SLC66A1: variants seen among roughly 807,000 people sequenced by gnomAD.
SLC66A1 encodes lysosomal amino acid transporter 1 homolog.
SLC66A1 carries 23 observed loss-of-function variants against 33.0 expected under a neutral mutation model. The observed-to-expected ratio is 0.70, with a 90% CI of 0.50 to 0.99. The LOEUF (loss-of-function observed/expected upper bound fraction) is 0.99, where lower values mean the gene tolerates loss of function less well. Among genes scored for constraint, SLC66A1 ranks in the 50% least tolerant of loss-of-function variants. The pLI is 0.00. For synonymous variants in SLC66A1, 164 were observed against 175.5 expected (o/e 0.93, Z 0.52); for missense variants, 335 against 383.6 (o/e 0.87, Z 1.06).
At position 19,326,551 on chromosome 1, in the gene SLC66A1, C is replaced by T; in HGVS notation, c.546C>T (p.Val182=). The T allele has an allele frequency of 6.2e-7, 1 of 1,614,234 alleles. No homozygotes were observed. Among genetic ancestry groups the T allele is most frequent in the Non-Finnish European group, 8.5e-7 (1 of 1,180,042 alleles). Residue 182 remains valine (V), a synonymous_variant, in exon 6 of 8, where the codon GTC becomes GTT. Coordinates refer to ENST00000375153, the MANE Select transcript of SLC66A1 (RefSeq NM_001040125.2). ...CACAGCCCTTCACCCGGCAGGAAGT[C>T]ATTGGCTTCGTCATCGGCTCCATCT... ...SGSKPFTRQE[V]IGFVIGSISS...
At chr1:19,329,924 G>C (rs1381777640), downstream of SLC66A1, among the ~76,000 whole-genome samples, 1 of 152,076 alleles carries the variant, frequency 6.6e-6, no homozygotes, top group Admixed American at 6.5e-5. Context: ...GAGTGGAGAG[G>C]AGGGCAGAGC....
At position 19,326,401 on chromosome 1, in the gene SLC66A1, G is replaced by T; in HGVS notation, c.525+14G>T. 1 of 1,605,780 alleles carries T rather than the reference G, an allele frequency of 6.2e-7. No individual in the cohort carries two copies. On this transcript the variant is annotated intron_variant, in intron 5 of 7. Transcript: ENST00000375153. ...TCGGGCAGCAAGGTGAGGCGTGGGC[G>T]TGGCGGTCGAAGGGATGGAGGCTGG...
At chr1:19,318,275 C>T (rs2093816189) in intron 2 of SLC66A1, among the ~76,000 whole-genome samples, 1 of 152,146 alleles carries the variant, frequency 6.6e-6, no homozygotes, top group African/African-American at 2.4e-5. Flanking sequence ...ATGCGTCAAA[C>T]ACAACCTCTG....
chr1:19,324,867 C>A, intron 3 of SLC66A1, 105 bp downstream of exon 3: 1 of 1,424,010 alleles, frequency 7.0e-7, no homozygotes, highest in Admixed American at 2.1e-5. Flanking sequence ...TCTCCAGAAC[C>A]CTGACCCGTC....
At chr1:19,333,196 A>C (rs1251542660), downstream of SLC66A1, among the ~76,000 whole-genome samples, 1 of 152,080 alleles carries the variant, frequency 6.6e-6, no homozygotes, top group Admixed American at 6.6e-5. This position sits in a 1 kb window ranked among gnomAD's most constrained non-coding sequence, Gnocchi z 4.2. Flanking sequence ...AGGTCCCATT[A>C]GTTATCAAAC....
In SLC66A1 at chr1:19,328,484, A is replaced by T; in HGVS notation, c.805-88A>T. 1 of 1,227,118 alleles carries T rather than the reference A, an allele frequency of 8.1e-7. No individual in the cohort carries two copies. The allele number at this position is 1,227,118 out of a possible 1,614,324, so 76.0% of individuals were successfully genotyped here. On this transcript the variant is annotated intron_variant, in intron 7 of 7. Transcript: ENST00000375153. This position sits in a 1 kb window ranked among gnomAD's most constrained non-coding sequence, Gnocchi z 4.7. ...AGCGTGGGGGTGGGAGGGAGGGGAG[A>T]GGGAGGCAGCTCCCAGGAGTCGAAG... is the stretch of plus-strand genomic sequence containing the variant.
chr1:19,317,626 C>A lies in SLC66A1; in HGVS notation c.-52C>A. 1 of 1,596,474 alleles carries A rather than the reference C, an allele frequency of 6.3e-7. No individual in the cohort carries two copies. The highest frequency in any genetic ancestry group is 8.5e-7 in the Non-Finnish European group (1 of 1,171,242). The stretch of plus-strand genomic sequence containing the variant: ...ACCCTTGCTGGCCTCAGAACACCAG[C>A]GCCCTCCCTCCGGTGCAGCCCTGCC... On this transcript the variant is annotated 5_prime_UTR_variant, in exon 2 of 8. Transcript: ENST00000375153.
intron 2 of SLC66A1, 93 bp downstream of exon 2, chr1:19,317,934 CA>C: frequency 6.6e-7 from 1 of 1,523,392 alleles, no homozygotes; most frequent in Non-Finnish European, 8.9e-7. Flanking sequence ...TCTGGTGGGC[CA>C]CGGGCCTCTC....
rs1236152393 is a variant in SLC66A1 at position 19,328,599 on chromosome 1, C to T, written c.832C>T (p.Arg278Cys). Residue 278 changes from arginine (R) to cysteine (C), a missense_variant, in exon 8 of 8, where the codon CGC (arginine) becomes TGC (cysteine). Coordinates refer to ENST00000375153, the MANE Select transcript of SLC66A1 (RefSeq NM_001040125.2). The surrounding 1 kb of genome is among the most constrained non-coding windows in gnomAD (Gnocchi z 4.7). ...CTCCATCCAGTTCCTGGTGTACAGG[C>T]GCAGCACCGCCGCCTCGGAGCTTGA... The part of the protein sequence containing the change: ...IISIQFLVYR[R>C]STAASELEPL... 11 of 1,613,612 alleles carry T rather than the reference C, an allele frequency of 6.8e-6. No homozygotes were observed. Among genetic ancestry groups the T allele is most frequent in the East Asian group, 6.7e-5 (3 of 44,894 alleles).
intron 2 of SLC66A1, among the ~76,000 whole-genome samples, chr1:19,324,205 G>A (rs893710023): frequency 1.3e-5 from 2 of 152,232 alleles, no homozygotes; most frequent in Non-Finnish European, 2.9e-5. Context: ...CCTTCGGCCC[G>A]CACGTCCCTT....
chr1:19,325,652 T>TA, intron 4 of SLC66A1, 70 bp downstream of exon 4: 1 of 1,254,658 alleles, frequency 8.0e-7, no homozygotes, highest in Non-Finnish European at 1.1e-6. Context: ...GGGGGGCGCC[T>TA]GGAGTGTGGG....
At chr1:19,320,662 G>T (rs182474152) in intron 2 of SLC66A1, among the ~76,000 whole-genome samples, 6 of 151,484 alleles carry the variant, frequency 4.0e-5, no homozygotes, top group African/African-American at 1.2e-4. Context: ...TGATCCGCCC[G>T]CCTTGGCCTC....
intron 1 of SLC66A1, chr1:19,313,122 A>T (rs1340947598): frequency 2.3e-5 from 20 of 853,506 alleles, no homozygotes; most frequent in Non-Finnish European, 2.7e-5. Flanking sequence ...CTCTGCAGTC[A>T]GCCTAGGTGG....
chr1:19,328,968 A>T lies in SLC66A1; in HGVS notation c.*325A>T, dbSNP rs45581437. 0.037 allele frequency: 16,324 copies of T among 438,708 alleles called. 381 individuals carry two copies. The highest frequency in any genetic ancestry group is 0.059 in the African/African-American group (2,933 of 49,918). 27.2% of individuals were successfully genotyped at this position (438,708 alleles called of 1,614,324 possible). A position where few individuals can be genotyped will look rare whatever the true frequency, so the allele number is the denominator to read the frequency against. On this transcript the variant is annotated 3_prime_UTR_variant, in exon 8 of 8. Coordinates refer to ENST00000375153, the MANE Select transcript of SLC66A1 (RefSeq NM_001040125.2). This position sits in a 1 kb window ranked among gnomAD's most constrained non-coding sequence, Gnocchi z 4.7. ...TGTCCTGTCAACTCCAGACAACTGA[A>T]TAAACAGGCCGGGTACAGTGGCTCG...
intron 1 of SLC66A1, among the ~76,000 whole-genome samples, chr1:19,317,091 G>A (rs1337901972): frequency 6.6e-6 from 1 of 151,798 alleles, no homozygotes; most frequent in East Asian, 1.9e-4. Context: ...TGAACTTGAT[G>A]GGCCTGGCCT....
chr1:19,318,463 G>A (rs2093817406), intron 2 of SLC66A1, among the ~76,000 whole-genome samples: 1 of 152,238 alleles, frequency 6.6e-6, no homozygotes, highest in African/African-American at 2.4e-5. Context: ...TGGAAATATT[G>A]TTACCTAACT....
intron 6 of SLC66A1, among the ~76,000 whole-genome samples, chr1:19,326,846 T>A (rs1306021672): frequency 6.6e-6 from 1 of 152,036 alleles, no homozygotes; most frequent in Non-Finnish European, 1.5e-5. Context: ...AAGAGGCCCA[T>A]GTGTGTCTTG....
intron 2 of SLC66A1, among the ~76,000 whole-genome samples, chr1:19,320,699 G>C (rs187111866): frequency 6.7e-6 from 1 of 150,006 alleles, no homozygotes; most frequent in African/African-American, 2.5e-5. Context: ...ACAGGCGTGA[G>C]CCACCGCACC....
intron 1 of SLC66A1, 146 bp from the exon 2 acceptor site, chr1:19,317,454 C>T: frequency 9.4e-7 from 1 of 1,068,936 alleles, no homozygotes; most frequent in East Asian, 2.9e-5. Flanking sequence ...CTGATTGGGT[C>T]CTGGTGGGTG....
Sources: allele counts gnomAD v4.1 joint callset (sites outside exome capture counted in the v4.1 genomes callset), GRCh38; gene constraint gnomAD v4.1.1; non-coding constraint Gnocchi (gnomAD v3.1); transcripts MANE v1.5; gene names NCBI Gene and HGNC (gene_info 2026-07-23, HGNC 2026-07-21).